Variants in ZBTB49 observed in about 807,000 individuals in gnomAD.
ZBTB49 encodes the protein zinc finger and BTB domain containing 49.
A neutral mutation model predicts 57.5 loss-of-function variants in ZBTB49; 43 were observed. That is an observed-to-expected ratio of 0.75 (90% CI 0.59 to 0.97). ZBTB49 has a LOEUF of 0.97. ZBTB49 is among the 50% of genes least tolerant of loss of function. The pLI is 0.00. For synonymous variants in ZBTB49, 369 were observed against 362.1 expected, an observed-to-expected ratio of 1.02 and a Z score of -0.22; for missense variants, 938 against 947.7, an observed-to-expected ratio of 0.99 and a Z score of 0.13.
chr4:4,301,309 G>A (rs4146939), intron 2 of ZBTB49, among the ~76,000 whole-genome samples: 60,766 of 152,050 alleles, frequency 0.4, 14,133 homozygotes, highest in Middle Eastern at 0.54. Flanking sequence ...AAGTGCCTGG[G>A]CTTTAGAGTG....
At chr4:4,316,609 A>C (rs933422760) in intron 7 of ZBTB49, among the ~76,000 whole-genome samples, 6 of 152,200 alleles carry the variant, frequency 3.9e-5, no homozygotes, top group Admixed American at 3.9e-4. Context: ...GGGCAAAACT[A>C]TGAGTGACAG....
intron 1 of ZBTB49, among the ~76,000 whole-genome samples, chr4:4,290,553 C>A (rs1350367876): frequency 2.0e-5 from 3 of 152,258 alleles, no homozygotes; most frequent in Non-Finnish European, 4.4e-5. Flanking sequence ...CCGGGCATCA[C>A]AGGGGACGCG....
At chr4:4,298,849 GC>G (rs1453760434) in intron 1 of ZBTB49, among the ~76,000 whole-genome samples, 1 of 152,152 alleles carries the variant, frequency 6.6e-6, no homozygotes, top group African/African-American at 2.4e-5. Flanking sequence ...TGGCTTACTG[GC>G]CTGTGTATAC....
intron 1 of ZBTB49, among the ~76,000 whole-genome samples, chr4:4,296,662 A>T (rs1720217300): frequency 6.6e-6 from 1 of 152,208 alleles, no homozygotes; most frequent in Non-Finnish European, 1.5e-5. Context: ...ACGGACTAAT[A>T]CACAAGGTGA....
intron 5 of ZBTB49, among the ~76,000 whole-genome samples, chr4:4,314,522 C>T (rs1184390628): frequency 6.6e-6 from 1 of 152,208 alleles, no homozygotes; most frequent in Non-Finnish European, 1.5e-5. Flanking sequence ...TAGGCATGTG[C>T]CACCATACCC....
At chr4:4,292,174 G>C (rs562609738) in intron 1 of ZBTB49, among the ~76,000 whole-genome samples, 1 of 152,130 alleles carries the variant, frequency 6.6e-6, no homozygotes, top group Non-Finnish European at 1.5e-5. Context: ...CCAGCTACTC[G>C]GGAGGCTGAG....
intron 3 of ZBTB49, among the ~76,000 whole-genome samples, chr4:4,303,758 C>CTGTGTGTGTG (rs1281680339): frequency 8.5e-4 from 80 of 93,646 alleles, no homozygotes; most frequent in African/African-American, 2.8e-3. Flanking sequence ...CTCTCTCTCT[C>CTGTGTGTGTG]TCTGTGTGTG....
chr4:4,312,217 G>T (rs1721006836), intron 4 of ZBTB49, among the ~76,000 whole-genome samples: 1 of 151,850 alleles, frequency 6.6e-6, no homozygotes, highest in Admixed American at 6.6e-5. Context: ...ATTAAAATGA[G>T]GAAAATAAAG....
At chr4:4,291,704 A>C (rs1287425634) in intron 1 of ZBTB49, among the ~76,000 whole-genome samples, 1 of 152,202 alleles carries the variant, frequency 6.6e-6, no homozygotes, top group East Asian at 1.9e-4. Context: ...GTCCTCCTGA[A>C]TACTCAAAGA....
chr4:4,294,709 A>T (rs1414673498), intron 1 of ZBTB49, among the ~76,000 whole-genome samples: 3 of 152,172 alleles, frequency 2.0e-5, no homozygotes, highest in Non-Finnish European at 2.9e-5. Flanking sequence ...GCCTAGCATC[A>T]TAACTCTGGG....
chr4:4,304,426 C>T (rs1350638952), intron 3 of ZBTB49, among the ~76,000 whole-genome samples: 1 of 152,062 alleles, frequency 6.6e-6, no homozygotes, highest in Non-Finnish European at 1.5e-5. Flanking sequence ...CCATGTTGGT[C>T]AGGCTCATCT....
At position 4,321,003 on chromosome 4, in the gene ZBTB49, A is replaced by G. The variant is rs753137546; in HGVS notation, c.1985A>G (p.His662Arg). The change falls in exon 8 of 8, where the codon CAT becomes CGT. Residue 662 changes from histidine (H) to arginine (R), a missense_variant. By Grantham distance (29) the His-to-Arg change is conservative. This residue lies in a region of ZBTB49 where 835 missense variants were observed against 819.1 expected (regional missense o/e 1.02). Coordinates refer to ENST00000337872, the MANE Select transcript of ZBTB49 (RefSeq NM_145291.4). ...AAGTTACGGTCCATGATCCAACCTC[A>G]TGGAGTTAGTGACCAGGAGAAGCTG... ...YCKLRSMIQP[H>R]GVSDQEKLSL... 3 of 1,613,746 alleles carry G rather than the reference A, an allele frequency of 1.9e-6. No homozygotes were observed. The highest frequency in any genetic ancestry group is 1.6e-4 in the Middle Eastern group (1 of 6,084).
intron 1 of ZBTB49, among the ~76,000 whole-genome samples, chr4:4,293,622 A>G (rs1410556552): frequency 6.6e-6 from 1 of 152,266 alleles, no homozygotes; most frequent in Non-Finnish European, 1.5e-5. Context: ...TCTGCAGGTT[A>G]GGTATTCAGG....
At chr4:4,314,151 G>A (rs769234873) in intron 5 of ZBTB49, among the ~76,000 whole-genome samples, 10 of 152,164 alleles carry the variant, frequency 6.6e-5, no homozygotes, top group Admixed American at 1.3e-4. Context: ...AAGCTGCGGC[G>A]GGCAGCGCAT....
chr4:4,294,635 A>G (rs1474214250), intron 1 of ZBTB49, among the ~76,000 whole-genome samples: 1 of 152,210 alleles, frequency 6.6e-6, no homozygotes, highest in Non-Finnish European at 1.5e-5. Flanking sequence ...AATTACAAGC[A>G]TGAGCCACCG....
chr4:4,305,028 G>A (rs1478853313), intron 3 of ZBTB49, among the ~76,000 whole-genome samples: 1 of 152,136 alleles, frequency 6.6e-6, no homozygotes, highest in Non-Finnish European at 1.5e-5. Flanking sequence ...TTAGTAACTG[G>A]TGACCTCTCT....
At chr4:4,311,280 A>G (rs929239586) in intron 4 of ZBTB49, among the ~76,000 whole-genome samples, 1 of 152,382 alleles carries the variant, frequency 6.6e-6, no homozygotes, top group South Asian at 2.1e-4. Context: ...CATTTCATTC[A>G]GAATACATAG....
At chr4:4,292,002 G>T (rs1719960553) in intron 1 of ZBTB49, among the ~76,000 whole-genome samples, 2 of 152,186 alleles carry the variant, frequency 1.3e-5, no homozygotes, top group East Asian at 3.9e-4. Context: ...GGCGGGTGTG[G>T]TGGCGCATGC....
chr4:4,302,063 G>T lies in ZBTB49; in HGVS notation c.227G>T (p.Gly76Val). 6.2e-7 allele frequency: 1 copy of T among 1,612,564 alleles called. No individual in the cohort carries two copies. The highest frequency in any genetic ancestry group is 8.5e-7 in the Non-Finnish European group (1 of 1,179,048). The change falls in exon 3 of 8, where the codon GGG becomes GTG. Residue 76 changes from glycine (G) to valine (V), a missense_variant. Around this residue, in one of 3 missense-constraint regions of ZBTB49, gnomAD observed 100 missense variants for 112.5 expected, o/e 0.89. Transcript: ENST00000337872. ...GATGTTAAAAATGTCAGTGGCATAG[G>T]GCAGATCCTGGACTTCATGTACACT... ...HLDVKNVSGI[G>V]QILDFMYTSH... is the part of the protein sequence containing the mutation.
Sources: allele counts gnomAD v4.1 joint callset (sites outside exome capture counted in the v4.1 genomes callset), GRCh38; gene constraint gnomAD v4.1.1; regional missense constraint gnomAD v4.1.1; transcripts MANE v1.5; gene names NCBI Gene and HGNC (gene_info 2026-07-23, HGNC 2026-07-21).